Variants in LRRFIP1 observed in about 807,000 individuals in gnomAD.
LRRFIP1 encodes the protein leucine-rich repeat flightless-interacting protein 1.
Under a neutral mutation model 104.4 loss-of-function variants are expected in LRRFIP1, and 62 were observed. The ratio of observed to expected loss-of-function variants is 0.59; its 90% CI spans 0.48 to 0.73. The LOEUF (loss-of-function observed/expected upper bound fraction) is 0.73. Ranked by LOEUF, LRRFIP1 falls within the 30% of genes least tolerant of loss-of-function variation. LRRFIP1 has a pLI of 0.00. For synonymous variants in LRRFIP1, 300 were observed against 299.0 expected (o/e 1.00, Z -0.03); for missense variants, 796 against 824.5 (o/e 0.97, Z 0.42).
chr2:237,738,211 A>T lies in LRRFIP1; in HGVS notation c.556-1021A>T, dbSNP rs528277159. ...ATCTGGAGCACCCATGAAGATCTGG[A>T]TGAGATCTTGAGCACCCCTGAAGAT... On this transcript the variant is annotated intron_variant, in intron 10 of 23. Coordinates refer to ENST00000308482, the MANE Select transcript of LRRFIP1 (RefSeq NM_001137550.2). Among the ~76,000 whole-genome samples, 4 of 152,130 alleles carry T rather than the reference A, an allele frequency of 2.6e-5. No individual in the cohort carries two copies. The East Asian group carries it at 7.7e-4, about 29-fold the overall frequency.
Position 237,735,358 on chromosome 2 carries a change from C to G in LRRFIP1, c.555+25C>G. On this transcript the variant is annotated intron_variant, in intron 10 of 23. Transcript: ENST00000308482. This position sits in a 1 kb window ranked among gnomAD's most constrained non-coding sequence, Gnocchi z 4.6. Reference sequence around the variant, plus strand: ...TGTAAGGCGCTTTCGGTGATACCTCCTTTCCCCCGTGCCTGCTGCATGGCC... The same window carrying G: ...TGTAAGGCGCTTTCGGTGATACCTCGTTTCCCCCGTGCCTGCTGCATGGCC... 6.2e-7 allele frequency: 1 copy of G among 1,608,404 alleles called. No individual in the cohort carries two copies. Among genetic ancestry groups the G allele is most frequent in the Non-Finnish European group, 8.5e-7 (1 of 1,178,028 alleles).
At chr2:237,719,054 C>G (rs1388383307) in intron 4 of LRRFIP1, among the ~76,000 whole-genome samples, 1 of 151,982 alleles carries the variant, frequency 6.6e-6, no homozygotes, top group African/African-American at 2.4e-5. Flanking sequence ...TAAGATACAT[C>G]CCCAGCTTCA....
rs1213305069 is a variant in LRRFIP1 at position 237,779,507 on chromosome 2, G to A, written c.1898G>A (p.Arg633Gln). 36 of 1,613,626 alleles carry A rather than the reference G, an allele frequency of 2.2e-5. No homozygotes were observed. The highest frequency in any genetic ancestry group is 2.6e-5 in the Non-Finnish European group (31 of 1,179,614). ...CGTCTGGAAAAAATGAAAGCAAATC[G>A]GAGTGCACTCTTGTCCCAGCAGTAA... Reference protein sequence around the residue: ...VKRLEKMKANRSALLSQQ With the variant: ...VKRLEKMKANQSALLSQQ The change falls in exon 24 of 24, where the codon CGG becomes CAG. Residue 633 changes from arginine to glutamine, a missense_variant. Arg to Gln is a conservative substitution (Grantham distance 43). Transcript: ENST00000308482.
At chr2:237,728,154 A>G (rs2094841693) in intron 8 of LRRFIP1, among the ~76,000 whole-genome samples, 2 of 152,154 alleles carry the variant, frequency 1.3e-5, no homozygotes, top group African/African-American at 4.8e-5. Context: ...TCTGATTGTT[A>G]GTATAAGGGG....
At chr2:237,670,723 G>A (rs1309716850) in intron 1 of LRRFIP1, among the ~76,000 whole-genome samples, 1 of 152,244 alleles carries the variant, frequency 6.6e-6, no homozygotes, top group South Asian at 2.1e-4. Context: ...AGCTCTGGCT[G>A]TGTGGCTCAG....
chr2:237,747,490 G>A (rs923500186), intron 11 of LRRFIP1, among the ~76,000 whole-genome samples: 5 of 152,152 alleles, frequency 3.3e-5, no homozygotes, highest in East Asian at 1.9e-4. Flanking sequence ...GCAGGTCCCC[G>A]GCACCAGCGT....
At chr2:237,696,763 A>G (rs1385498136) in intron 1 of LRRFIP1, among the ~76,000 whole-genome samples, 2 of 152,236 alleles carry the variant, frequency 1.3e-5, no homozygotes, top group African/African-American at 4.8e-5. Context: ...AGGGGCTGGC[A>G]GGTAGTAAAT....
At chr2:237,720,974 T>C (rs1311725636) in intron 6 of LRRFIP1, 152 bp downstream of exon 6, 4 of 664,816 alleles carry the variant, frequency 6.0e-6, no homozygotes, top group East Asian at 5.3e-5. Context: ...ATCAAATCAA[T>C]GGGGGATGTT....
intron 23 of LRRFIP1, among the ~76,000 whole-genome samples, chr2:237,774,704 A>G (rs1336337282): frequency 2.0e-5 from 3 of 152,244 alleles, no homozygotes; most frequent in African/African-American, 7.2e-5. Flanking sequence ...CATCTCCTAT[A>G]GGTCTTGTCC....
chr2:237,721,717 C>T (rs910968949), intron 6 of LRRFIP1: 1 of 152,234 alleles, frequency 6.6e-6, no homozygotes, highest in Non-Finnish European at 1.5e-5. Context: ...TAATTTGGCC[C>T]TTCCCAATGA....
Position 237,760,188 on chromosome 2 carries a change from CAG to C in LRRFIP1, c.1443_1444del (p.Asp483TrpfsTer6), listed in dbSNP as rs2059709592. On this transcript the variant is annotated frameshift_variant, in exon 19 of 24. Coordinates refer to ENST00000308482, the MANE Select transcript of LRRFIP1 (RefSeq NM_001137550.2). LOFTEE classifies it high-confidence loss of function. ...GAAGAGTTAAATGCCCTCAAGTCGA[CAG>C]GGGATGGGACCCTAGGTAAGTATTT... 1 of 1,614,150 alleles carries C rather than the reference CAG, an allele frequency of 6.2e-7. No homozygotes were observed. The highest frequency in any genetic ancestry group is 8.5e-7 in the Non-Finnish European group (1 of 1,180,002).
chr2:237,685,709 G>A (rs1041542020), intron 1 of LRRFIP1, among the ~76,000 whole-genome samples: 11 of 152,112 alleles, frequency 7.2e-5, no homozygotes, highest in Non-Finnish European at 1.5e-4. Flanking sequence ...CAGCCCCTCA[G>A]GCCTTGCCCC....
chr2:237,693,374 G>T (rs549120371), intron 1 of LRRFIP1, among the ~76,000 whole-genome samples: 6 of 152,316 alleles, frequency 3.9e-5, no homozygotes, highest in African/African-American at 1.4e-4. Flanking sequence ...GAATCAGACT[G>T]CCTTGACCTT....
chr2:237,767,179 AAAAAAGAAAGAAAAG>A (rs938943075), intron 19 of LRRFIP1, among the ~76,000 whole-genome samples: 1 of 152,184 alleles, frequency 6.6e-6, no homozygotes, highest in Non-Finnish European at 1.5e-5. Flanking sequence ...CTGTCTCAAA[AAAAAAGAAAGAAAAG>A]AAAAAGAAAG....
chr2:237,690,610 G>A (rs1223737517), intron 1 of LRRFIP1, among the ~76,000 whole-genome samples: 2 of 151,970 alleles, frequency 1.3e-5, no homozygotes, highest in East Asian at 3.9e-4. Context: ...GGTGGCAGGT[G>A]CCTGTAATCC....
intron 22 of LRRFIP1, among the ~76,000 whole-genome samples, chr2:237,773,622 G>A (rs2060836017): frequency 6.6e-6 from 1 of 152,154 alleles, no homozygotes; most frequent in African/African-American, 2.4e-5. Flanking sequence ...TGGGCTTTTA[G>A]CCTTTCTCTT....
At position 237,780,705 on chromosome 2, in the gene LRRFIP1, T is replaced by C. The variant is rs77635773; in HGVS notation, c.*1173T>C. Among the ~76,000 whole-genome samples the C allele has an allele frequency of 0.046, 7,028 of 151,912 alleles. 319 individuals are homozygous for C. The highest frequency in any genetic ancestry group is 0.092 in the Admixed American group (1,404 of 15,246). ...TCTTAACACATGGAGAATGCTGGAGTGAGGGTTGTGAGTTCAGGGTATATA... is the reference window on the plus strand; with the variant it reads ...TCTTAACACATGGAGAATGCTGGAGCGAGGGTTGTGAGTTCAGGGTATATA... On this transcript the variant is annotated 3_prime_UTR_variant, in exon 24 of 24. Transcript: ENST00000308482.
intron 6 of LRRFIP1, 149 bp downstream of exon 6, chr2:237,720,971 C>G: frequency 3.0e-6 from 2 of 671,478 alleles, no homozygotes; most frequent in Non-Finnish European, 2.7e-6. Flanking sequence ...AAAATCAAAT[C>G]AATGGGGGAT....
chr2:237,732,772 T>C (rs933174566), intron 8 of LRRFIP1, among the ~76,000 whole-genome samples: 4 of 152,238 alleles, frequency 2.6e-5, no homozygotes, highest in African/African-American at 7.2e-5. Context: ...ATTTTTTCTC[T>C]TGTAAATGTG....
Sources: allele counts gnomAD v4.1 joint callset (sites outside exome capture counted in the v4.1 genomes callset), GRCh38; gene constraint gnomAD v4.1.1; non-coding constraint Gnocchi (gnomAD v3.1); transcripts MANE v1.5; gene names NCBI Gene and HGNC (gene_info 2026-07-23, HGNC 2026-07-21).